The following TBCB variants were observed in gnomAD, a reference collection of about 807,000 sequenced individuals.
TBCB encodes the protein tubulin-folding cofactor B.
TBCB carries 18 observed loss-of-function variants against 29.2 expected under a neutral mutation model. The observed-to-expected ratio is 0.62, with a 90% CI of 0.43 to 0.91. The LOEUF is 0.91. TBCB is among the 40% of genes least tolerant of loss of function. The pLI, the probability that TBCB is intolerant of heterozygous loss-of-function variation, is 0.00. For missense variants in TBCB, 336 were observed against 337.6 expected (o/e 1.00, Z 0.04); for synonymous variants, 172 against 137.8 (o/e 1.25, Z -1.74).
intron 4 of TBCB, chr19:36,122,025 G>A: frequency 2.1e-6 from 1 of 473,450 alleles, no homozygotes; most frequent in Non-Finnish European, 3.8e-6. Context: ...GGGGAAACGG[G>A]CGGCGTGACC....
chr19:36,116,184 C>A lies in TBCB; in HGVS notation c.258C>A (p.His86Gln), dbSNP rs148944876. Residue 86 changes from histidine (H) to glutamine (Q), a missense_variant and splice_region_variant, in exon 2 of 6, where the codon CAC becomes CAA. Transcript: ENST00000221855. ...SYPVDDGCRIHVIDHSGARLG... is the reference protein window; with the variant it reads ...SYPVDDGCRIQVIDHSGARLG... ...CTGTAGATGACGGCTGCCGCATCCA[C>A]GTGAGGACTCTCTATCTGGGACACT... 6.2e-7 allele frequency: 1 copy of A among 1,613,764 alleles called. No individual in the cohort carries two copies. The highest frequency in any genetic ancestry group is 8.5e-7 in the Non-Finnish European group (1 of 1,179,758).
chr19:36,120,961 G>A (rs1475299513), intron 3 of TBCB, among the ~76,000 whole-genome samples, 155 bp downstream of exon 3: 1 of 151,754 alleles, frequency 6.6e-6, no homozygotes, highest in African/African-American at 2.4e-5. Flanking sequence ...GCTGGGAGTG[G>A]GGACAGACGG....
chr19:36,122,083 C>T (rs1974064795), intron 4 of TBCB: 1 of 329,910 alleles, frequency 3.0e-6, no homozygotes, highest in South Asian at 3.1e-5. Flanking sequence ...CCAGAGGAAG[C>T]ACCTGGAGGC....
chr19:36,115,170 CAG>C (rs1973923031), upstream of TBCB: 6 of 556,774 alleles, frequency 1.1e-5, no homozygotes, highest in South Asian at 1.2e-4. Flanking sequence ...GCATCCAGGA[CAG>C]AAGCCAAGGC....
At position 36,115,574 on chromosome 19, in the gene TBCB, G is replaced by C. The variant is rs756266441; in HGVS notation, c.14G>C (p.Gly5Ala). 11 of 1,608,602 alleles carry C rather than the reference G, an allele frequency of 6.8e-6. No individual in the cohort carries two copies. Among genetic ancestry groups the C allele is most frequent in the Admixed American group, 1.7e-5 (1 of 59,680 alleles). ...GGGCGCGGCAAGATGGAGGTGACGG[G>C]GGTGTCGGCACCCACGGTGACCGTT... The part of the protein sequence containing the change: MEVT[G>A]VSAPTVTVFI... Residue 5 changes from glycine to alanine, a missense_variant, in exon 1 of 6, where the codon GGG becomes GCG. Gly to Ala is a moderately conservative substitution (Grantham distance 60). Coordinates refer to ENST00000221855, the MANE Select transcript of TBCB (RefSeq NM_001281.3).
At chr19:36,121,815 A>G (rs999636123) in intron 4 of TBCB, 97 bp downstream of exon 4, 2 of 1,471,158 alleles carry the variant, frequency 1.4e-6, no homozygotes, top group Admixed American at 2.0e-5. Flanking sequence ...CGCTCTGCCT[A>G]GGGGCGCGGG....
In TBCB at chr19:36,121,729, C is replaced by T; in HGVS notation, c.547+11C>T. Reference sequence around the variant, plus strand: ...CCGTCATGTATGTAGGTGCGTGGCTCGCGGGCCCGGTCCCGGGCTCCAGGG... The same window carrying T: ...CCGTCATGTATGTAGGTGCGTGGCTTGCGGGCCCGGTCCCGGGCTCCAGGG... On this transcript the variant is annotated intron_variant, in intron 4 of 5. Coordinates refer to ENST00000221855, the MANE Select transcript of TBCB (RefSeq NM_001281.3). 1.3e-6 allele frequency: 2 copies of T among 1,547,928 alleles called. No individual in the cohort carries two copies. The highest frequency in any genetic ancestry group is 8.7e-7 in the Non-Finnish European group (1 of 1,146,702).
At chr19:36,115,420 C>G (rs1568380814), upstream of TBCB, 1 of 647,594 alleles carries the variant, frequency 1.5e-6, no homozygotes, top group Non-Finnish European at 2.7e-6. Context: ...TTGGCGGACG[C>G]TCCTGGCAGG....
At chr19:36,118,925 G>A (rs1395519474) in intron 2 of TBCB, among the ~76,000 whole-genome samples, 4 of 152,150 alleles carry the variant, frequency 2.6e-5, no homozygotes, top group Admixed American at 2.6e-4. Context: ...ACCAGGAAGG[G>A]GCTGCTGTGA....
At chr19:36,117,052 A>G (rs1348482069) in intron 2 of TBCB, among the ~76,000 whole-genome samples, 9 of 151,958 alleles carry the variant, frequency 5.9e-5, no homozygotes, top group African/African-American at 2.2e-4. Flanking sequence ...TGCGTGCCTC[A>G]CCCTTCCTTC....
chr19:36,121,985 T>G, intron 4 of TBCB: 1 of 549,436 alleles, frequency 1.8e-6, no homozygotes, highest in African/African-American at 2.0e-5. Flanking sequence ...GCCTGTGCGC[T>G]TCGAAGCGTG....
rs148366566 is a variant in TBCB, at chr19:36,125,744, G to A, written c.697G>A (p.Asp233Asn). The A allele has an allele frequency of 3.2e-6, 5 of 1,567,560 alleles. No individual in the cohort carries two copies. The highest frequency in any genetic ancestry group is 1.9e-5 in the Admixed American group (1 of 53,584). Residue 233 changes from aspartate (D) to asparagine (N), a missense_variant, in exon 6 of 6, where the codon GAC (aspartate) becomes AAC (asparagine). Asp to Asn is a conservative substitution (Grantham distance 23, BLOSUM62 1). Coordinates refer to ENST00000221855, the MANE Select transcript of TBCB (RefSeq NM_001281.3). Reference protein sequence around the residue: ...FVKPAVVTVGDFPEEDYGLDE... With the variant: ...FVKPAVVTVGNFPEEDYGLDE... The stretch of plus-strand genomic sequence containing the variant: ...CAAGCCAGCAGTCGTGACGGTGGGG[G>A]ACTTCCCGGAGGAGGACTACGGGTT...
chr19:36,124,885 C>T (rs752759135), intron 4 of TBCB, among the ~76,000 whole-genome samples: 4 of 152,154 alleles, frequency 2.6e-5, no homozygotes, highest in Non-Finnish European at 5.9e-5. Flanking sequence ...GTCCTTTGGC[C>T]ATGATCGTGG....
At chr19:36,121,181 G>A (rs1400088914) in intron 3 of TBCB, among the ~76,000 whole-genome samples, 1 of 104,872 alleles carries the variant, frequency 9.5e-6, no homozygotes, top group African/African-American at 4.0e-5. Context: ...CAGTGAGGGC[G>A]CCTGGGACGG....
At chr19:36,116,295 T>A in intron 2 of TBCB, 111 bp downstream of exon 2, 9 of 1,430,046 alleles carry the variant, frequency 6.3e-6, no homozygotes, top group Non-Finnish European at 8.6e-6. Flanking sequence ...CCTGCCTTCG[T>A]GGAGCCTCCA....
Position 36,121,573 on chromosome 19 carries a change from CGAG to C in TBCB, c.409_411del (p.Glu137del). The C allele has an allele frequency of 6.4e-7, 1 of 1,558,536 alleles. No homozygotes were observed. On this transcript the variant is annotated inframe_deletion, in exon 4 of 6. Transcript: ENST00000221855. ...AGCGCAGCAAGCTCGGCCGGTACAA[CGAG>C]GAGGAGCGGGCTCAGCAGGAGGCCG... is the stretch of plus-strand genomic sequence containing the variant.
At chr19:36,117,435 C>T (rs1973974747) in intron 2 of TBCB, among the ~76,000 whole-genome samples, 1 of 152,148 alleles carries the variant, frequency 6.6e-6, no homozygotes, top group African/African-American at 2.4e-5. Flanking sequence ...ACCTCTGTCT[C>T]CTGGGTTCAA....
intron 4 of TBCB, among the ~76,000 whole-genome samples, chr19:36,122,571 CAAAAA>C (rs759711385): frequency 3.3e-5 from 3 of 91,576 alleles, no homozygotes; most frequent in Non-Finnish European, 4.4e-5. Flanking sequence ...CCTGTCTCTA[CAAAAA>C]AAAAAAAAAA....
Position 36,125,761 on chromosome 19 carries a change from C to T in TBCB, c.714C>T (p.Asp238=). 6.5e-7 allele frequency: 1 copy of T among 1,549,750 alleles called. No individual in the cohort carries two copies. ...VVTVGDFPEE[D]YGLDEI ...CGGTGGGGGACTTCCCGGAGGAGGA[C>T]TACGGGTTGGACGAGATATGACACC... is the stretch of plus-strand genomic sequence containing the variant. The change falls in exon 6 of 6, where the codon GAC becomes GAT. Residue 238 remains aspartate (D), a synonymous_variant. Coordinates refer to ENST00000221855, the MANE Select transcript of TBCB (RefSeq NM_001281.3).
Sources: gnomAD v4.1 joint callset for allele counts (sites outside exome capture counted in the v4.1 genomes callset) on GRCh38, gnomAD v4.1.1 for gene constraint, MANE v1.5 for transcripts, NCBI Gene and HGNC (gene_info 2026-07-23, HGNC 2026-07-21) for gene names.